Variants in THSD7B observed in about 807,000 individuals in gnomAD.
THSD7B encodes the protein thrombospondin type-1 domain-containing protein 7B.
THSD7B carries 138 observed loss-of-function variants against 213.6 expected under a neutral mutation model. The ratio of observed to expected loss-of-function variants is 0.65; its 90% CI spans 0.56 to 0.74. The LOEUF (loss-of-function observed/expected upper bound fraction) is 0.74, where lower values mean the gene tolerates loss of function less well. Among genes scored for constraint, THSD7B ranks in the 30% least tolerant of loss-of-function variants. The pLI is 0.00. For synonymous variants in THSD7B, 742 were observed against 687.0 expected (o/e 1.08, Z -1.25); for missense variants, 1,931 against 1,991.5 (o/e 0.97, Z 0.58).
intron 12 of THSD7B, among the ~76,000 whole-genome samples, chr2:137,314,268 C>T (rs1036841834): frequency 6.6e-6 from 1 of 152,214 alleles, no homozygotes; most frequent in Admixed American, 6.5e-5. Flanking sequence ...CATCTTCCAT[C>T]ACTGATACCC....
chr2:137,304,045 G>T (rs1026914320), intron 12 of THSD7B, among the ~76,000 whole-genome samples: 3 of 151,684 alleles, frequency 2.0e-5, no homozygotes, highest in Admixed American at 2.0e-4. Flanking sequence ...TTATGAAGGA[G>T]AACATGTGGT....
intron 26 of THSD7B, among the ~76,000 whole-genome samples, chr2:137,665,043 C>T (rs1683421398): frequency 6.6e-6 from 1 of 152,156 alleles, no homozygotes; most frequent in Non-Finnish European, 1.5e-5. Context: ...AATATTTATA[C>T]CCCTCAATCA....
chr2:136,929,751 G>A (rs1207623110), intron 2 of THSD7B, among the ~76,000 whole-genome samples: 2 of 152,180 alleles, frequency 1.3e-5, no homozygotes, highest in African/African-American at 2.4e-5. Context: ...TTGTGACTCA[G>A]AGCACCAGGT....
intron 15 of THSD7B, among the ~76,000 whole-genome samples, chr2:137,472,746 G>T (rs1454705580): frequency 6.6e-6 from 1 of 152,196 alleles, no homozygotes; most frequent in Non-Finnish European, 1.5e-5. Flanking sequence ...GATTGGTTTT[G>T]AGAGGCTAGT....
At chr2:136,834,396 G>A (rs1334086671) in intron 1 of THSD7B, among the ~76,000 whole-genome samples, 3 of 152,192 alleles carry the variant, frequency 2.0e-5, no homozygotes, top group Admixed American at 1.3e-4. Context: ...ATTAGTGGTA[G>A]AGTCTTCTCA....
intron 17 of THSD7B, among the ~76,000 whole-genome samples, chr2:137,589,580 G>C (rs1038191481): frequency 6.6e-6 from 1 of 151,928 alleles, no homozygotes; most frequent in Non-Finnish European, 1.5e-5. Flanking sequence ...TATAGTGTTG[G>C]GTTTTCTTTT....
At chr2:137,509,001 G>A (rs10928615) in intron 15 of THSD7B, among the ~76,000 whole-genome samples, 77,398 of 151,864 alleles carry the variant, frequency 0.51, 19,990 homozygotes, top group East Asian at 0.7. Flanking sequence ...CTATGAGGTC[G>A]TCCTGGGGCA....
chr2:137,369,167 A>ATATT (rs1553443817), intron 12 of THSD7B, among the ~76,000 whole-genome samples: 1 of 149,840 alleles, frequency 6.7e-6, no homozygotes, highest in African/African-American at 2.5e-5. Context: ...ATATATATAT[A>ATATT]TTTTTGACAA....
At chr2:137,379,337 A>T (rs1464567491) in intron 12 of THSD7B, among the ~76,000 whole-genome samples, 2 of 152,226 alleles carry the variant, frequency 1.3e-5, no homozygotes, top group Non-Finnish European at 2.9e-5. Flanking sequence ...TGCATATGGT[A>T]CTTACGAGTC....
At position 137,301,010 on chromosome 2, in the gene THSD7B, A is replaced by G. The variant is rs141326601; in HGVS notation, c.2500+24984A>G. Among the ~76,000 whole-genome samples the G allele has an allele frequency of 1.6e-3, 246 of 152,250 alleles. 1 individual carries two copies. The highest frequency in any genetic ancestry group is 3.0e-3 in the Non-Finnish European group (204 of 68,018). On this transcript the variant is annotated intron_variant, in intron 12 of 27. Coordinates refer to ENST00000409968, the MANE Select transcript of THSD7B (RefSeq NM_001316349.2). ...GCTAATTATGAAGTCCCTTATTGCA[A>G]TTATCATCACTATCAAAAGGAATTA...
Position 137,486,278 on chromosome 2 carries a change from T to A in THSD7B, c.3138+35255T>A, listed in dbSNP as rs375504081. 6.0e-3 allele frequency among the ~76,000 whole-genome samples: 896 copies of A among 150,132 alleles called. 4 individuals carry two copies. Among genetic ancestry groups the A allele is most frequent in the Non-Finnish European group, 8.6e-3 (578 of 67,508 alleles). On this transcript the variant is annotated intron_variant, in intron 15 of 27. Transcript: ENST00000409968. Reference sequence around the variant, plus strand: ...CTCACGTGCAGAGACACACATAGGCTCAAAATAAAAGGATGGAGGAAGATC... The same window carrying A: ...CTCACGTGCAGAGACACACATAGGCACAAAATAAAAGGATGGAGGAAGATC...
chr2:137,434,321 T>G (rs924227993), intron 14 of THSD7B, among the ~76,000 whole-genome samples: 1 of 152,204 alleles, frequency 6.6e-6, no homozygotes, highest in African/African-American at 2.4e-5. Flanking sequence ...ATTAGATGCC[T>G]CTCTCTGAGT....
At chr2:137,508,229 A>C (rs926174508) in intron 15 of THSD7B, among the ~76,000 whole-genome samples, 3 of 152,048 alleles carry the variant, frequency 2.0e-5, no homozygotes, top group Non-Finnish European at 4.4e-5. Flanking sequence ...CTCTCTTTTT[A>C]AATTTCTGGT....
chr2:137,044,833 G>T (rs958220469), intron 2 of THSD7B, among the ~76,000 whole-genome samples: 2 of 152,158 alleles, frequency 1.3e-5, no homozygotes, highest in African/African-American at 4.8e-5. Context: ...GTGACATAGT[G>T]TTAGGCTGCC....
At chr2:137,203,897 A>G (rs891827344) in intron 7 of THSD7B, among the ~76,000 whole-genome samples, 2 of 152,122 alleles carry the variant, frequency 1.3e-5, no homozygotes, top group Admixed American at 1.3e-4. Flanking sequence ...AGGACATAAT[A>G]CTATTTCATT....
chr2:137,468,365 C>T (rs1197692482), intron 15 of THSD7B, among the ~76,000 whole-genome samples: 1 of 151,976 alleles, frequency 6.6e-6, no homozygotes, highest in Non-Finnish European at 1.5e-5. Flanking sequence ...GGCAATGAGA[C>T]ATCAAACACT....
At chr2:137,334,329 C>T (rs1339676670) in intron 12 of THSD7B, among the ~76,000 whole-genome samples, 1 of 152,146 alleles carries the variant, frequency 6.6e-6, no homozygotes, top group Non-Finnish European at 1.5e-5. Context: ...CTCCTCAGCT[C>T]ATCCCAGCTC....
intron 2 of THSD7B, among the ~76,000 whole-genome samples, chr2:136,969,554 C>A (rs1685372174): frequency 6.6e-6 from 1 of 152,066 alleles, no homozygotes; most frequent in Admixed American, 6.6e-5. Flanking sequence ...TATGTATTTT[C>A]CTTTTCAAAG....
chr2:137,276,556 C>G (rs1682877576), intron 12 of THSD7B, among the ~76,000 whole-genome samples: 1 of 152,000 alleles, frequency 6.6e-6, no homozygotes, highest in African/African-American at 2.4e-5. Context: ...TATGAATAAG[C>G]TTCTGGACCT....
Sources: allele counts gnomAD v4.1 joint callset (sites outside exome capture counted in the v4.1 genomes callset), GRCh38; gene constraint gnomAD v4.1.1; transcripts MANE v1.5; gene names NCBI Gene and HGNC (gene_info 2026-07-23, HGNC 2026-07-21).